AXDND1: variants seen among roughly 807,000 people sequenced by gnomAD.
AXDND1 encodes the protein axonemal dynein light chain domain containing 1.
A neutral mutation model predicts 137.5 loss-of-function variants in AXDND1; 110 were observed. The ratio of observed to expected loss-of-function variants is 0.80; its 90% CI spans 0.69 to 0.94. The LOEUF is 0.94. AXDND1 is among the 40% of genes least tolerant of loss of function. AXDND1 has a pLI of 0.00. For synonymous variants in AXDND1, 414 were observed against 399.7 expected, an observed-to-expected ratio of 1.04 and a Z score of -0.43; for missense variants, 1,191 against 1,169.8, an observed-to-expected ratio of 1.02 and a Z score of -0.26.
At chr1:179,511,105 T>C (rs1669001592) in intron 21 of AXDND1, among the ~76,000 whole-genome samples, 1 of 151,414 alleles carries the variant, frequency 6.6e-6, no homozygotes, top group Non-Finnish European at 1.5e-5. Flanking sequence ...AGGTGGAGGC[T>C]GCAGTGAGCC....
chr1:179,536,880 T>C (rs1671602506), intron 25 of AXDND1, among the ~76,000 whole-genome samples: 1 of 152,230 alleles, frequency 6.6e-6, no homozygotes, highest in Non-Finnish European at 1.5e-5. Flanking sequence ...TGTCCTCTTT[T>C]ATTTCATTGA....
At chr1:179,517,788 C>G (rs1306872150) in intron 21 of AXDND1, among the ~76,000 whole-genome samples, 1 of 152,210 alleles carries the variant, frequency 6.6e-6, no homozygotes, top group Non-Finnish European at 1.5e-5. Context: ...TGGGCACTCA[C>G]AGTATTTGGG....
intron 15 of AXDND1, among the ~76,000 whole-genome samples, chr1:179,442,059 C>T (rs1208283882): frequency 6.6e-6 from 1 of 152,188 alleles, no homozygotes; most frequent in Admixed American, 6.5e-5. Context: ...CATGAATAAC[C>T]TGCTGTGGAT....
chr1:179,384,767 ATT>A (rs549019209), intron 8 of AXDND1, among the ~76,000 whole-genome samples: 15 of 141,212 alleles, frequency 1.1e-4, no homozygotes, highest in East Asian at 2.0e-4. Flanking sequence ...AGAGGCACCA[ATT>A]TTTTTTTTTT....
intron 16 of AXDND1, chr1:179,454,643 A>C (rs995364541): frequency 6.6e-6 from 1 of 152,244 alleles, no homozygotes; most frequent in Non-Finnish European, 1.5e-5. Flanking sequence ...TGGGTCATCC[A>C]ATTTATTAAG....
chr1:179,432,188 T>C, intron 14 of AXDND1, 79 bp from the exon 15 acceptor site: 1 of 1,436,342 alleles, frequency 7.0e-7, no homozygotes, highest in Non-Finnish European at 9.2e-7. Flanking sequence ...GTTAGTTGTT[T>C]AGTCTTTAGT....
chr1:179,369,519 G>A (rs1246777293), intron 3 of AXDND1, among the ~76,000 whole-genome samples: 1 of 152,032 alleles, frequency 6.6e-6, no homozygotes, highest in African/African-American at 2.4e-5. Flanking sequence ...GGGCATAGTG[G>A]CATGCGCCTA....
chr1:179,525,808 T>TATATATATATAC (rs149749029), intron 22 of AXDND1, among the ~76,000 whole-genome samples: 6 of 151,374 alleles, frequency 4.0e-5, no homozygotes, highest in African/African-American at 4.9e-5. Context: ...TATATATATA[T>TATATATATATAC]ACACAGACAT....
At chr1:179,453,245 C>T (rs547591316) in intron 16 of AXDND1, 18 of 152,372 alleles carry the variant, frequency 1.2e-4, no homozygotes, top group African/African-American at 3.8e-4. Flanking sequence ...CACACAGAGT[C>T]TCTACTGGGG....
At chr1:179,497,223 T>C (rs1303321798) in intron 20 of AXDND1, among the ~76,000 whole-genome samples, 1 of 152,154 alleles carries the variant, frequency 6.6e-6, no homozygotes, top group East Asian at 1.9e-4. Context: ...TATATCCTTG[T>C]TGATTTTCTG....
At chr1:179,466,414 T>C (rs1663207058) in intron 16 of AXDND1, among the ~76,000 whole-genome samples, 1 of 151,350 alleles carries the variant, frequency 6.6e-6, no homozygotes, top group East Asian at 2.0e-4. Flanking sequence ...CATGAGCCAC[T>C]GCGCTGGGCC....
At chr1:179,426,399 T>G (rs1482796947) in intron 12 of AXDND1, among the ~76,000 whole-genome samples, 1 of 152,134 alleles carries the variant, frequency 6.6e-6, no homozygotes, top group Non-Finnish European at 1.5e-5. Context: ...ATCAATAAGA[T>G]GGAACATACA....
chr1:179,539,094 A>AG (rs762940147), intron 25 of AXDND1, among the ~76,000 whole-genome samples: 13 of 152,048 alleles, frequency 8.5e-5, no homozygotes, highest in Non-Finnish European at 1.5e-4. Context: ...TTTGCACAGG[A>AG]GATGGGTCTC....
intron 11 of AXDND1, among the ~76,000 whole-genome samples, chr1:179,406,420 T>C (rs1652983681): frequency 6.6e-6 from 1 of 152,228 alleles, no homozygotes; most frequent in African/African-American, 2.4e-5. Flanking sequence ...GTTAACTTTC[T>C]GTCTAGATGA....
intron 14 of AXDND1, among the ~76,000 whole-genome samples, chr1:179,431,560 GT>G (rs776648052): frequency 1.6e-3 from 231 of 145,648 alleles, no homozygotes; most frequent in Non-Finnish European, 2.4e-3. Context: ...GATTTCTAAG[GT>G]TTTTTTTTTT....
chr1:179,497,364 C>T (rs1252320308), intron 20 of AXDND1, among the ~76,000 whole-genome samples: 1 of 152,038 alleles, frequency 6.6e-6, no homozygotes, highest in Admixed American at 6.6e-5. Flanking sequence ...GGTGCAAATA[C>T]ATTTAGAGTG....
At chr1:179,369,608 C>T (rs751068662) in intron 3 of AXDND1, among the ~76,000 whole-genome samples, 2 of 152,036 alleles carry the variant, frequency 1.3e-5, no homozygotes, top group East Asian at 1.9e-4. Context: ...GCCGAGATTG[C>T]GCCATTGCCC....
At chr1:179,417,862 T>C (rs948901918) in intron 12 of AXDND1, among the ~76,000 whole-genome samples, 7 of 152,094 alleles carry the variant, frequency 4.6e-5, no homozygotes, top group African/African-American at 9.6e-5. Flanking sequence ...TATATTTCCA[T>C]TTTTTATGTC....
At chr1:179,516,879 G>A (rs897885465) in intron 21 of AXDND1, among the ~76,000 whole-genome samples, 38 of 152,164 alleles carry the variant, frequency 2.5e-4, no homozygotes, top group East Asian at 1.9e-4. Context: ...GAAACAGTTC[G>A]TGAGGGTTCT....
Sources: allele counts gnomAD v4.1 joint callset (sites outside exome capture counted in the v4.1 genomes callset), GRCh38; gene constraint gnomAD v4.1.1; transcripts MANE v1.5; gene names NCBI Gene and HGNC (gene_info 2026-07-23, HGNC 2026-07-21).